GABBR2: variants seen among roughly 807,000 people sequenced by gnomAD.
GABBR2 encodes gamma-aminobutyric acid type B receptor subunit 2, also known as G-protein coupled receptor 51.
Under a neutral mutation model 105.6 loss-of-function variants are expected in GABBR2, and 23 were observed. The ratio of observed to expected loss-of-function variants is 0.22; its 90% CI spans 0.16 to 0.31. The LOEUF is 0.31. GABBR2 is among the 10% of genes least tolerant of loss of function. GABBR2 has a pLI of 1.00. For missense variants in GABBR2, 734 were observed against 1,245.5 expected (o/e 0.59, Z 6.18); for synonymous variants, 478 against 499.7 (o/e 0.96, Z 0.58).
intron 13 of GABBR2, among the ~76,000 whole-genome samples, chr9:98,338,541 T>C (rs532300187): frequency 5.9e-5 from 9 of 152,182 alleles, no homozygotes; most frequent in Admixed American, 2.0e-4. Flanking sequence ...CCATTAGTCA[T>C]TAGTTATTTG....
intron 7 of GABBR2, among the ~76,000 whole-genome samples, chr9:98,441,730 G>A (rs372768351): frequency 6.6e-6 from 1 of 152,322 alleles, no homozygotes; most frequent in South Asian, 2.1e-4. Flanking sequence ...GAGATAAATA[G>A]TGGTGATGCT....
chr9:98,579,497 A>G (rs917796210), intron 1 of GABBR2, among the ~76,000 whole-genome samples: 2 of 152,118 alleles, frequency 1.3e-5, no homozygotes, highest in Non-Finnish European at 2.9e-5. Context: ...GGCAAGTTCA[A>G]CCCCTCCACC....
intron 13 of GABBR2, among the ~76,000 whole-genome samples, chr9:98,329,229 T>C (rs1386410036): frequency 6.6e-6 from 1 of 152,208 alleles, no homozygotes; most frequent in African/African-American, 2.4e-5. Context: ...AGGGTGTTTG[T>C]AGGAATGGTT....
chr9:98,349,456 C>A (rs189184101), intron 13 of GABBR2, among the ~76,000 whole-genome samples: 29 of 145,992 alleles, frequency 2.0e-4, no homozygotes, highest in Admixed American at 7.0e-4. Flanking sequence ...GGGTTGCAAG[C>A]GATTCTCCTG....
chr9:98,610,932 A>T (rs1829496543), intron 1 of GABBR2, among the ~76,000 whole-genome samples: 1 of 152,140 alleles, frequency 6.6e-6, no homozygotes, highest in Non-Finnish European at 1.5e-5. Context: ...GCAAAGGTTG[A>T]GTGAGCAGAG....
chr9:98,437,196 A>C (rs1825942066), intron 7 of GABBR2, among the ~76,000 whole-genome samples: 1 of 152,180 alleles, frequency 6.6e-6, no homozygotes, highest in African/African-American at 2.4e-5. Flanking sequence ...TTGCCTCTGA[A>C]GATCCTTCTA....
intron 4 of GABBR2, among the ~76,000 whole-genome samples, chr9:98,490,915 G>A (rs149881821): frequency 8.0e-4 from 122 of 152,062 alleles, no homozygotes; most frequent in Middle Eastern, 6.9e-3. Flanking sequence ...GGTATTTCCT[G>A]ACTTTCTTGA....
chr9:98,411,472 T>C (rs1339367086), intron 7 of GABBR2, among the ~76,000 whole-genome samples: 2 of 152,128 alleles, frequency 1.3e-5, no homozygotes, highest in Non-Finnish European at 2.9e-5. Context: ...AATTATGAAA[T>C]GAGAATAGCC....
rs373634290 is a variant in GABBR2 at position 98,589,821 on chromosome 9, C to A, written c.322-11749G>T. Among the ~76,000 whole-genome samples, 115 of 151,286 alleles carry A rather than the reference C, an allele frequency of 7.6e-4. 1 individual carries two copies. Among genetic ancestry groups the A allele is most frequent in the African/African-American group, 2.6e-3 (107 of 41,218 alleles). ...CCTCAACCTCCTGGGCTCAAGTGATCCTCCCACCTCAGCCTCCTGAGTACC... is the reference window on the plus strand; with the variant it reads ...CCTCAACCTCCTGGGCTCAAGTGATACTCCCACCTCAGCCTCCTGAGTACC... On this transcript the variant is annotated intron_variant, in intron 1 of 18. Coordinates refer to ENST00000259455, the MANE Select transcript of GABBR2 (RefSeq NM_005458.8).
At chr9:98,456,226 T>A (rs779795739) in intron 6 of GABBR2, among the ~76,000 whole-genome samples, 5 of 152,148 alleles carry the variant, frequency 3.3e-5, no homozygotes, top group Non-Finnish European at 7.4e-5. Flanking sequence ...ACCTTTTGGG[T>A]CCCTTGATCA....
chr9:98,391,012 C>T (rs1832170668), intron 9 of GABBR2, among the ~76,000 whole-genome samples: 1 of 152,162 alleles, frequency 6.6e-6, no homozygotes, highest in South Asian at 2.1e-4. Flanking sequence ...CCTGAGTTTT[C>T]TTTCTCACTT....
At chr9:98,595,255 T>C (rs920537928) in intron 1 of GABBR2, among the ~76,000 whole-genome samples, 2 of 152,020 alleles carry the variant, frequency 1.3e-5, no homozygotes, top group Non-Finnish European at 2.9e-5. Flanking sequence ...TTGTACCTCT[T>C]TTATAAGGCA....
At chr9:98,462,391 T>C (rs1225304188) in intron 6 of GABBR2, among the ~76,000 whole-genome samples, 3 of 152,118 alleles carry the variant, frequency 2.0e-5, no homozygotes, top group African/African-American at 7.2e-5. Context: ...ATATAAATAA[T>C]ACATATAACT....
intron 4 of GABBR2, among the ~76,000 whole-genome samples, chr9:98,495,173 G>GA (rs1212698963): frequency 6.6e-6 from 1 of 152,256 alleles, no homozygotes; most frequent in Non-Finnish European, 1.5e-5. Context: ...TCCCAAGGCT[G>GA]AAATGTGACC....
At chr9:98,327,991 G>A (rs1052680200) in intron 13 of GABBR2, among the ~76,000 whole-genome samples, 10 of 108,310 alleles carry the variant, frequency 9.2e-5, no homozygotes, top group African/African-American at 2.3e-4. Context: ...ACTTCAGACC[G>A]TATGATCTTC....
intron 2 of GABBR2, among the ~76,000 whole-genome samples, chr9:98,556,330 A>G (rs1828583044): frequency 6.6e-6 from 1 of 152,090 alleles, no homozygotes; most frequent in Admixed American, 6.5e-5. Flanking sequence ...CACAGCCCCA[A>G]TCCCAGGGAC....
rs371719408 is a variant in GABBR2 at position 98,362,787 on chromosome 9, G to A, written c.1821C>T (p.Ile607=). The A allele has an allele frequency of 9.2e-5, 148 of 1,602,770 alleles. No individual in the cohort carries two copies. The highest frequency in any genetic ancestry group is 1.4e-4 in the East Asian group (6 of 43,900). ...LLVIVGGMLL[I]DLCILICWQA... ...GCCAGCAGATCAGGATACACAGGTC[G>A]ATCAGCAGCATGCCCCCCACGATCA... is the stretch of plus-strand genomic sequence containing the variant. Residue 607 remains isoleucine (I), a synonymous_variant, in exon 13 of 19, where the codon ATC becomes ATT. Coordinates refer to ENST00000259455, the MANE Select transcript of GABBR2 (RefSeq NM_005458.8).
intron 4 of GABBR2, among the ~76,000 whole-genome samples, chr9:98,486,747 T>A (rs1040776284): frequency 9.2e-5 from 14 of 152,242 alleles, no homozygotes; most frequent in African/African-American, 3.4e-4. Flanking sequence ...CAGCGGGCAC[T>A]GCCTAAGGCT....
intron 1 of GABBR2, among the ~76,000 whole-genome samples, chr9:98,616,036 A>G (rs1829578094): frequency 6.6e-6 from 1 of 152,252 alleles, no homozygotes; most frequent in African/African-American, 2.4e-5. Context: ...TCTGACACGT[A>G]GAAAGCTGAT....
Sources: gnomAD v4.1 joint callset for allele counts (sites outside exome capture counted in the v4.1 genomes callset) on GRCh38, gnomAD v4.1.1 for gene constraint, MANE v1.5 for transcripts, NCBI Gene and HGNC (gene_info 2026-07-23, HGNC 2026-07-21) for gene names.